SDSL: variants seen among roughly 807,000 people sequenced by gnomAD.
The protein encoded by SDSL is serine dehydratase like, also known as serine dehydratase-like.
Under a neutral mutation model 27.6 loss-of-function variants are expected in SDSL, and 26 were observed. The observed-to-expected ratio is 0.94, with a 90% confidence interval of 0.69 to 1.31. The LOEUF is 1.31. Ranked by LOEUF, SDSL falls within the 50% of genes most tolerant of loss-of-function variation. The pLI is 0.00. For missense variants in SDSL, 431 were observed against 423.5 expected, an observed-to-expected ratio of 1.02 and a Z score of -0.16; for synonymous variants, 196 against 180.6, an observed-to-expected ratio of 1.09 and a Z score of -0.69.
In SDSL at chr12:113,428,163, G is replaced by A. The variant is rs367609319; in HGVS notation, c.174+7G>A. The A allele has an allele frequency of 1.9e-6, 3 of 1,604,864 alleles. No individual in the cohort carries two copies. In the South Asian group the frequency reaches 3.3e-5, roughly 18 times the overall value. On this transcript the variant is annotated splice_region_variant and intron_variant, in intron 2 of 7. Transcript: ENST00000403593. ...TGGGCATTTCTGCCAGGAGGTGAGG[G>A]TGTGTGGGAAGGAGGGGAGAAGTGA...
Position 113,438,146 on chromosome 12 carries a change from G to A in SDSL, c.*67G>A. 7.2e-7 allele frequency: 1 copy of A among 1,385,138 alleles called. No homozygotes were observed. The highest frequency in any genetic ancestry group is 1.3e-5 in the South Asian group (1 of 74,828). 85.8% of individuals were successfully genotyped at this position (1,385,138 alleles called of 1,614,324 possible). On this transcript the variant is annotated 3_prime_UTR_variant, in exon 8 of 8. Transcript: ENST00000403593. ...GACAGTCCTGTGTCTGGATGAGGAGGACTCAGTGCTGGCAGATGGCAGTGG... is the reference window on the plus strand; with the variant it reads ...GACAGTCCTGTGTCTGGATGAGGAGAACTCAGTGCTGGCAGATGGCAGTGG...
intron 1 of SDSL, among the ~76,000 whole-genome samples, chr12:113,423,141 C>A (rs1271583947): frequency 6.6e-6 from 1 of 152,166 alleles, no homozygotes; most frequent in East Asian, 1.9e-4. Flanking sequence ...TTAACTGATG[C>A]CTGCTGTCCT....
At chr12:113,436,156 A>G (rs980189207) in intron 6 of SDSL, among the ~76,000 whole-genome samples, 8 of 152,118 alleles carry the variant, frequency 5.3e-5, no homozygotes, top group Non-Finnish European at 7.4e-5. Context: ...AAAAGCCAAT[A>G]AATTTTAAAA....
intron 5 of SDSL, among the ~76,000 whole-genome samples, chr12:113,435,115 A>AAAAAAT (rs1957971835): frequency 6.6e-6 from 1 of 152,212 alleles, no homozygotes; most frequent in Non-Finnish European, 1.5e-5. Context: ...ACTCTATCCA[A>AAAAAAT]AAAAATAAAA....
intron 1 of SDSL, among the ~76,000 whole-genome samples, chr12:113,423,928 A>G (rs531646704): frequency 9.2e-5 from 14 of 152,270 alleles, no homozygotes; most frequent in African/African-American, 3.4e-4. Flanking sequence ...AATCCTCACA[A>G]TAGTCCTGCC....
intron 4 of SDSL, among the ~76,000 whole-genome samples, chr12:113,430,149 T>C (rs1364194145): frequency 3.3e-5 from 5 of 150,018 alleles, no homozygotes; most frequent in Non-Finnish European, 5.9e-5. Flanking sequence ...CACCCATCCA[T>C]CCATCCATCA....
At chr12:113,431,821 G>A (rs944694993) in intron 4 of SDSL, among the ~76,000 whole-genome samples, 1 of 150,990 alleles carries the variant, frequency 6.6e-6, no homozygotes, top group Non-Finnish European at 1.5e-5. Flanking sequence ...TCACTGCAAG[G>A]TCTGCCTCCC....
chr12:113,426,683 A>G (rs886682511), intron 1 of SDSL, among the ~76,000 whole-genome samples: 6 of 152,180 alleles, frequency 3.9e-5, no homozygotes, highest in Admixed American at 6.6e-5. Context: ...CGCGCCTGTA[A>G]TCCCAGCAGT....
chr12:113,424,171 C>A (rs989467730), intron 1 of SDSL, among the ~76,000 whole-genome samples: 3 of 151,936 alleles, frequency 2.0e-5, no homozygotes, highest in African/African-American at 7.3e-5. Flanking sequence ...TACAGGCATG[C>A]GCCACCATGC....
At chr12:113,424,938 G>A (rs1342191473) in intron 1 of SDSL, among the ~76,000 whole-genome samples, 1 of 152,062 alleles carries the variant, frequency 6.6e-6, no homozygotes, top group Non-Finnish European at 1.5e-5. Context: ...GTTTCACCAT[G>A]TTGGCCACGC....
At chr12:113,426,773 A>T (rs2136949785) in intron 1 of SDSL, among the ~76,000 whole-genome samples, 2 of 152,210 alleles carry the variant, frequency 1.3e-5, no homozygotes, top group Middle Eastern at 3.4e-3. Flanking sequence ...CCCTATCTCT[A>T]CAAAAAAGTA....
intron 1 of SDSL, among the ~76,000 whole-genome samples, chr12:113,425,401 G>A (rs536596200): frequency 6.6e-6 from 1 of 152,248 alleles, no homozygotes; most frequent in East Asian, 1.9e-4. Flanking sequence ...TGACAAGGGC[G>A]TGGGGTCAAA....
intron 4 of SDSL, among the ~76,000 whole-genome samples, chr12:113,431,740 A>ATT (rs36029038): frequency 5.7e-5 from 7 of 122,396 alleles, no homozygotes; most frequent in Admixed American, 1.7e-4. Context: ...CACCCAGCTA[A>ATT]TTTTTTTTTT....
intron 4 of SDSL, among the ~76,000 whole-genome samples, chr12:113,432,554 A>G (rs1374805451): frequency 6.6e-6 from 1 of 151,682 alleles, no homozygotes; most frequent in East Asian, 2.0e-4. Flanking sequence ...GTTGGCCAGG[A>G]TGGTCTGGAT....
At chr12:113,436,719 G>C (rs367586553) in intron 6 of SDSL, 32 bp from the exon 7 acceptor site, 22 of 1,549,812 alleles carry the variant, frequency 1.4e-5, no homozygotes, top group African/African-American at 2.7e-5. Flanking sequence ...TGAGCCCCTG[G>C]TCTCCCTGCC....
rs142203965 is a variant in SDSL at position 113,426,914 on chromosome 12, G to C, written c.-21-1048G>C. On this transcript the variant is annotated intron_variant, in intron 1 of 7. Transcript: ENST00000403593. ...TGATTACAGTACTGCACTCCAGCCT[G>C]GGTGACAGAGTGAGACTCTGTCTCA... Among the ~76,000 whole-genome samples the C allele has an allele frequency of 1.9e-3, 285 of 152,260 alleles. 1 individual carries two copies. The highest frequency in any genetic ancestry group is 3.4e-3 in the Middle Eastern group (1 of 294).
At chr12:113,432,248 CTTTCTTTCTTTCTTTCTT>C (rs1299560585) in intron 4 of SDSL, among the ~76,000 whole-genome samples, 16 of 139,446 alleles carry the variant, frequency 1.1e-4, no homozygotes, top group African/African-American at 4.6e-4. Context: ...TTCTTTCTTT[CTTTCTTTCTTTCTTTCTT>C]TCTTTCTTTC....
In SDSL at chr12:113,435,527, C is replaced by A. The variant is rs1019590442; in HGVS notation, c.642C>A (p.Gly214=). The A allele has an allele frequency of 6.2e-7, 1 of 1,613,674 alleles. No individual in the cohort carries two copies. Among genetic ancestry groups the A allele is most frequent in the Non-Finnish European group, 8.5e-7 (1 of 1,179,820 alleles). ...GCTTCAATGCGGCCATCACAGCCGG[C>A]AAGCTGGTCACACTTCCAGACATCA... is the stretch of plus-strand genomic sequence containing the variant. The part of the protein sequence containing the change: ...AHCFNAAITA[G]KLVTLPDITS... Residue 214 remains glycine (G), a synonymous_variant, in exon 6 of 8, where the codon GGC becomes GGA. Transcript: ENST00000403593.
rs759562353 is a variant in SDSL, at chr12:113,428,030, G to A, written c.48G>A (p.Val16=). 1.2e-6 allele frequency: 2 copies of A among 1,613,864 alleles called. No individual in the cohort carries two copies. The highest frequency in any genetic ancestry group is 2.2e-5 in the South Asian group (2 of 90,974). ...ATGCCAAGCAGGAGCCCTTTCACGT[G>A]GTCACACCTCTGTTGGAGAGCTGGG... ...AEHAKQEPFH[V]VTPLLESWAL... is the part of the protein sequence containing the mutation. The change falls in exon 2 of 8, where the codon GTG becomes GTA. Residue 16 remains valine, a synonymous_variant. Coordinates refer to ENST00000403593, the MANE Select transcript of SDSL (RefSeq NM_001304993.2).
Sources: allele counts gnomAD v4.1 joint callset (sites outside exome capture counted in the v4.1 genomes callset), GRCh38; gene constraint gnomAD v4.1.1; transcripts MANE v1.5; gene names NCBI Gene and HGNC (gene_info 2026-07-23, HGNC 2026-07-21).